Variants in SLC25A48 observed in about 807,000 individuals in gnomAD.
SLC25A48 encodes the protein CTC-321K16.1.
SLC25A48 carries 29 observed loss-of-function variants against 32.2 expected under a neutral mutation model. The ratio of observed to expected loss-of-function variants is 0.90; its 90% CI spans 0.67 to 1.23. The LOEUF (loss-of-function observed/expected upper bound fraction) is 1.23, where lower values mean the gene tolerates loss of function less well. SLC25A48 is among the 50% of genes most tolerant of loss of function. SLC25A48 has a pLI of 0.00. For synonymous variants in SLC25A48, 164 were observed against 172.3 expected, an observed-to-expected ratio of 0.95 and a Z score of 0.38; for missense variants, 399 against 422.7, an observed-to-expected ratio of 0.94 and a Z score of 0.49.
chr5:135,705,500 A>G (rs1004868401), intron 3 of SLC25A48, among the ~76,000 whole-genome samples: 3 of 152,252 alleles, frequency 2.0e-5, no homozygotes, highest in Non-Finnish European at 2.9e-5. Flanking sequence ...TAAGTATTAA[A>G]TGATGGCAGC....
chr5:135,836,052 T>C (rs1256916075), intron 1 of SLC25A48, among the ~76,000 whole-genome samples: 2 of 152,196 alleles, frequency 1.3e-5, no homozygotes, highest in South Asian at 2.1e-4. Flanking sequence ...GGACAATTAT[T>C]CCACCATTCA....
intron 2 of SLC25A48, among the ~76,000 whole-genome samples, chr5:135,633,118 A>G (rs1752614797): frequency 6.6e-6 from 1 of 152,150 alleles, no homozygotes; most frequent in African/African-American, 2.4e-5. Context: ...GCCAATCTGT[A>G]CAAGGGGAAG....
rs181072740 is a variant in SLC25A48, at chr5:135,611,389, C to T, written c.-848-17848C>T. On this transcript the variant is annotated intron_variant, in intron 1 of 10. Transcript: ENST00000646290. ...AATTAGCTGGTCTTGGTGGTGTGCG[C>T]TTGTAGTCCCAGCTACTCAGGAGGC... Among the ~76,000 whole-genome samples, 3 of 147,314 alleles carry T rather than the reference C, an allele frequency of 2.0e-5. No homozygotes were observed. The Admixed American group carries it at 2.1e-4, about 10-fold the overall frequency.
intron 1 of SLC25A48, among the ~76,000 whole-genome samples, chr5:135,582,323 T>A (rs959260295): frequency 4.0e-5 from 6 of 151,572 alleles, no homozygotes; most frequent in Admixed American, 3.3e-4. Flanking sequence ...CAGCTCAGAG[T>A]CTAGTGGGGA....
intron 4 of SLC25A48, among the ~76,000 whole-genome samples, chr5:135,858,984 G>A (rs1373735585): frequency 6.6e-6 from 1 of 152,090 alleles, no homozygotes; most frequent in Non-Finnish European, 1.5e-5. Flanking sequence ...CTGACAAAAA[G>A]TCACCAGGCA....
At chr5:135,708,776 A>G (rs888681610) in intron 3 of SLC25A48, among the ~76,000 whole-genome samples, 2 of 152,162 alleles carry the variant, frequency 1.3e-5, no homozygotes, top group African/African-American at 4.8e-5. Context: ...ATCATTCTTC[A>G]TGACTTCTGG....
At chr5:135,635,878 G>A (rs1376490259) in intron 3 of SLC25A48, among the ~76,000 whole-genome samples, 1 of 152,144 alleles carries the variant, frequency 6.6e-6, no homozygotes, top group Non-Finnish European at 1.5e-5. Flanking sequence ...CGTTCCTTCT[G>A]TCTGACGTCT....
chr5:135,647,612 C>T (rs1363066166), intron 3 of SLC25A48, among the ~76,000 whole-genome samples: 2 of 152,196 alleles, frequency 1.3e-5, no homozygotes, highest in East Asian at 3.9e-4. Context: ...GAGGACAGAG[C>T]CAGGGCATGT....
intron 1 of SLC25A48, among the ~76,000 whole-genome samples, chr5:135,593,158 A>AC (rs1421851492): frequency 6.6e-6 from 1 of 151,864 alleles, no homozygotes; most frequent in Admixed American, 6.6e-5. Flanking sequence ...TGTTCCCCCC[A>AC]CACCCCTCCT....
chr5:135,813,314 G>A (rs972128195), intron 4 of SLC25A48, among the ~76,000 whole-genome samples: 1 of 152,198 alleles, frequency 6.6e-6, no homozygotes, highest in African/African-American at 2.4e-5. Flanking sequence ...TTGGGGGAGT[G>A]TTGAAAGTTG....
At chr5:135,753,932 T>A (rs1331136925) in intron 3 of SLC25A48, among the ~76,000 whole-genome samples, 1 of 152,036 alleles carries the variant, frequency 6.6e-6, no homozygotes, top group Non-Finnish European at 1.5e-5. Context: ...ATGCCAGTTG[T>A]ATACCCAATG....
At chr5:135,611,514 A>G (rs1752066063) in intron 1 of SLC25A48, among the ~76,000 whole-genome samples, 1 of 147,408 alleles carries the variant, frequency 6.8e-6, no homozygotes, top group Non-Finnish European at 1.5e-5. Flanking sequence ...AAAAAAAAAA[A>G]AAAAAAAAAA....
chr5:135,834,413 A>C (rs967884471), upstream of SLC25A48, among the ~76,000 whole-genome samples: 1 of 152,256 alleles, frequency 6.6e-6, no homozygotes, highest in African/African-American at 2.4e-5. Flanking sequence ...CATTGTCAGC[A>C]CAGCACAGTA....
At chr5:135,880,145 AC>A in intron 7 of SLC25A48, 48 bp downstream of exon 7, 1 of 1,488,188 alleles carries the variant, frequency 6.7e-7, no homozygotes, top group South Asian at 1.3e-5. Context: ...GGAACTTGAA[AC>A]TTTTTTTTTT....
intron 1 of SLC25A48, among the ~76,000 whole-genome samples, chr5:135,583,339 C>T (rs1007135047): frequency 2.0e-5 from 3 of 152,052 alleles, no homozygotes; most frequent in African/African-American, 7.2e-5. Flanking sequence ...GGAAATCCCA[C>T]AGGTGTCTGG....
intron 3 of SLC25A48, among the ~76,000 whole-genome samples, chr5:135,776,499 T>C (rs553421489): frequency 6.6e-6 from 1 of 151,924 alleles, no homozygotes; most frequent in Admixed American, 6.6e-5. Flanking sequence ...TTTCCTAATA[T>C]CCAGGGGGGA....
intron 3 of SLC25A48, among the ~76,000 whole-genome samples, chr5:135,635,196 T>C (rs2126911091): frequency 6.6e-6 from 1 of 152,320 alleles, no homozygotes. Flanking sequence ...AATCCAGGGC[T>C]ATTCCACAAC....
At chr5:135,744,031 A>G (rs1316762170) in intron 3 of SLC25A48, among the ~76,000 whole-genome samples, 1 of 152,164 alleles carries the variant, frequency 6.6e-6, no homozygotes, top group Non-Finnish European at 1.5e-5. Flanking sequence ...CTACCCTGAG[A>G]CATCTAATTA....
chr5:135,835,446 C>A (rs1454462653), intron 1 of SLC25A48, among the ~76,000 whole-genome samples: 1 of 152,072 alleles, frequency 6.6e-6, no homozygotes, highest in Admixed American at 6.5e-5. Context: ...TGCCTTCAGC[C>A]GCCGCCAACC....
Sources: allele counts gnomAD v4.1 joint callset (sites outside exome capture counted in the v4.1 genomes callset), GRCh38; gene constraint gnomAD v4.1.1; transcripts MANE v1.5; gene names NCBI Gene and HGNC (gene_info 2026-07-23, HGNC 2026-07-21).